ERG: variants seen among roughly 807,000 people sequenced by gnomAD.
ERG encodes transcriptional regulator ERG.
In ERG, 9 loss-of-function variants were observed where a neutral mutation model predicts 55.3. That is an observed-to-expected ratio of 0.16 (90% CI 0.10 to 0.28). The LOEUF (loss-of-function observed/expected upper bound fraction) is 0.28. ERG is among the 10% of genes least tolerant of loss of function. The pLI is 1.00. For synonymous variants in ERG, 223 were observed against 237.3 expected (o/e 0.94, Z 0.55); for missense variants, 434 against 631.6 (o/e 0.69, Z 3.35).
At chr21:38,559,212 T>C (rs571747595) in intron 2 of ERG, among the ~76,000 whole-genome samples, 23 of 152,196 alleles carry the variant, frequency 1.5e-4, no homozygotes, top group African/African-American at 5.3e-4. Context: ...TACTTTTTTT[T>C]CTGGTCCAAA....
the ERG span, among the ~76,000 whole-genome samples, chr21:38,369,370 A>C: frequency 1.3e-5 from 2 of 152,212 alleles, no homozygotes; most frequent in Non-Finnish European, 2.9e-5. Flanking sequence ...ATGATCAGTC[A>C]TGTTGAGCTG....
At chr21:38,531,964 G>GA (rs1188668077) in intron 2 of ERG, among the ~76,000 whole-genome samples, 2 of 151,896 alleles carry the variant, frequency 1.3e-5, no homozygotes, top group African/African-American at 2.4e-5. Flanking sequence ...TTCATTTCAA[G>GA]AAAAAAATAA....
At chr21:38,564,095 T>G (rs1180261053) in intron 2 of ERG, among the ~76,000 whole-genome samples, 1 of 151,050 alleles carries the variant, frequency 6.6e-6, no homozygotes, top group Non-Finnish European at 1.5e-5. Context: ...AAAAAAAAAC[T>G]GCTGCAAAGT....
At chr21:38,549,799 T>C (rs536710589) in intron 2 of ERG, among the ~76,000 whole-genome samples, 103 of 152,144 alleles carry the variant, frequency 6.8e-4, no homozygotes, top group Non-Finnish European at 1.2e-3. Flanking sequence ...TATTGCTCCA[T>C]TGGAGAGGTG....
chr21:38,556,775 G>A (rs966861677), intron 2 of ERG, among the ~76,000 whole-genome samples: 2 of 152,164 alleles, frequency 1.3e-5, no homozygotes, highest in African/African-American at 4.8e-5. Flanking sequence ...GGGTTCTCTT[G>A]CTCCTCTCAT....
Position 38,411,278 on chromosome 21 carries a change from C to T in ERG, c.389-7569G>A, listed in dbSNP as rs534105896. Among the ~76,000 whole-genome samples, 12 of 152,220 alleles carry T rather than the reference C, an allele frequency of 7.9e-5. No individual in the cohort carries two copies. In the South Asian group the frequency reaches 1.2e-3, roughly 16 times the overall value. On this transcript the variant is annotated intron_variant, in intron 3 of 9. Transcript: ENST00000288319. ...GGTATTGATTTCTAATTTTATTGCA[C>T]GTTGGCCAGTGAATAGAGTCTGTAT...
At chr21:38,453,061 T>C (rs2058955863) in intron 1 of ERG, among the ~76,000 whole-genome samples, 2 of 152,214 alleles carry the variant, frequency 1.3e-5, no homozygotes, top group Admixed American at 6.5e-5. Context: ...AGACGTGTTT[T>C]TGTGAGATGA....
At chr21:38,469,257 T>TA (rs2059119551) in intron 1 of ERG, among the ~76,000 whole-genome samples, 1 of 152,158 alleles carries the variant, frequency 6.6e-6, no homozygotes, top group African/African-American at 2.4e-5. Flanking sequence ...TGTGACTCAT[T>TA]AACGCACTTA....
intron 1 of ERG, among the ~76,000 whole-genome samples, chr21:38,474,551 A>T (rs1307992356): frequency 2.0e-5 from 3 of 152,270 alleles, no homozygotes; most frequent in Non-Finnish European, 2.9e-5. Flanking sequence ...TCTTTGCCCT[A>T]AAAAACATGT....
intron 3 of ERG, among the ~76,000 whole-genome samples, chr21:38,418,919 C>CT (rs1265899261): frequency 2.3e-5 from 2 of 87,000 alleles, no homozygotes; most frequent in Non-Finnish European, 4.1e-5. Flanking sequence ...AAGAGCGAGA[C>CT]TTTGTCTCAA....
At chr21:38,467,132 G>A (rs543594765) in intron 1 of ERG, among the ~76,000 whole-genome samples, 2 of 152,260 alleles carry the variant, frequency 1.3e-5, no homozygotes, top group Admixed American at 1.3e-4. Context: ...TTATCTATAT[G>A]AGGTCCTACC....
At chr21:38,598,497 A>G (rs887012270) in intron 1 of ERG, among the ~76,000 whole-genome samples, 1 of 152,224 alleles carries the variant, frequency 6.6e-6, no homozygotes, top group South Asian at 2.1e-4. Context: ...CACAGCACTA[A>G]TGTATCACAA....
At chr21:38,468,707 C>T (rs965965876) in intron 1 of ERG, among the ~76,000 whole-genome samples, 3 of 152,102 alleles carry the variant, frequency 2.0e-5, no homozygotes, top group South Asian at 2.1e-4. Context: ...TGGCTTCTGC[C>T]GGGTGCGGTG....
chr21:38,426,249 T>G (rs981791755), intron 2 of ERG, among the ~76,000 whole-genome samples: 1 of 152,232 alleles, frequency 6.6e-6, no homozygotes, highest in Non-Finnish European at 1.5e-5. Flanking sequence ...CTATTTTTCC[T>G]GGCTTCACAC....
chr21:38,502,056 G>A (rs947818380), upstream of ERG, among the ~76,000 whole-genome samples: 6 of 152,202 alleles, frequency 3.9e-5, no homozygotes, highest in African/African-American at 1.4e-4. Flanking sequence ...CTGAATGACA[G>A]CCACATGGTT....
chr21:38,461,873 C>T (rs1157541539), intron 1 of ERG, among the ~76,000 whole-genome samples: 4 of 151,680 alleles, frequency 2.6e-5, no homozygotes, highest in Non-Finnish European at 4.4e-5. Context: ...GGTGTGATCT[C>T]GGCTCACTGC....
At chr21:38,417,806 A>C (rs1214562844) in intron 3 of ERG, among the ~76,000 whole-genome samples, 2 of 152,070 alleles carry the variant, frequency 1.3e-5, no homozygotes, top group African/African-American at 4.8e-5. Context: ...ATAAATAAAT[A>C]AAAAATAATA....
At chr21:38,647,681 G>T (rs1275058881) in intron 1 of ERG, among the ~76,000 whole-genome samples, 1 of 152,196 alleles carries the variant, frequency 6.6e-6, no homozygotes, top group Non-Finnish European at 1.5e-5. Flanking sequence ...TTTGGCACCA[G>T]TGCCTCAGGT....
At chr21:38,385,085 T>C (rs904583571) in intron 9 of ERG, among the ~76,000 whole-genome samples, 6 of 152,220 alleles carry the variant, frequency 3.9e-5, no homozygotes, top group African/African-American at 1.2e-4. Flanking sequence ...CTTGATTTCA[T>C]TGAAATCATA....
Sources: gnomAD v4.1 joint callset for allele counts (sites outside exome capture counted in the v4.1 genomes callset) on GRCh38, gnomAD v4.1.1 for gene constraint, MANE v1.5 for transcripts, NCBI Gene and HGNC (gene_info 2026-07-23, HGNC 2026-07-21) for gene names.